ANO1: variants seen among roughly 807,000 people sequenced by gnomAD.
The protein encoded by ANO1 is anoctamin-1.
In ANO1, 59 loss-of-function variants were observed where a neutral mutation model predicts 124.0. The ratio of observed to expected loss-of-function variants is 0.48; its 90% confidence interval spans 0.39 to 0.59. The LOEUF (loss-of-function observed/expected upper bound fraction) is 0.59, where lower values mean the gene tolerates loss of function less well. Ranked by LOEUF, ANO1 falls within the 20% of genes least tolerant of loss-of-function variation. ANO1 has a pLI of 0.00. For synonymous variants in ANO1, 529 were observed against 532.0 expected (o/e 0.99, Z 0.08); for missense variants, 1,059 against 1,328.0 (o/e 0.80, Z 3.15).
At chr11:70,119,672 G>A (rs1051281930) in intron 8 of ANO1, among the ~76,000 whole-genome samples, 1 of 151,414 alleles carries the variant, frequency 6.6e-6, no homozygotes, top group Admixed American at 6.6e-5. Context: ...GATGAATGAT[G>A]GATGATGGAT....
chr11:70,159,609 G>T (rs758918929), intron 16 of ANO1, among the ~76,000 whole-genome samples: 1 of 152,216 alleles, frequency 6.6e-6, no homozygotes, highest in Non-Finnish European at 1.5e-5. Flanking sequence ...CTGGGGATGC[G>T]GGGGAGATGG....
chr11:70,170,449 A>C (rs1295532227), intron 21 of ANO1, among the ~76,000 whole-genome samples: 12 of 152,130 alleles, frequency 7.9e-5, no homozygotes, highest in Admixed American at 7.2e-4. Context: ...AAAATTAAGC[A>C]GTCATAGTGG....
chr11:70,096,897 G>A (rs1044026225), intron 2 of ANO1, among the ~76,000 whole-genome samples: 2 of 151,928 alleles, frequency 1.3e-5, no homozygotes, highest in Non-Finnish European at 2.9e-5. Context: ...ATCAAGGGGT[G>A]TAACAGTTTC....
At chr11:70,103,902 A>G in intron 3 of ANO1, 97 bp from the exon 4 acceptor site, 2 of 1,363,104 alleles carry the variant, frequency 1.5e-6, no homozygotes, top group East Asian at 2.5e-5. Flanking sequence ...GCCCCGTTGC[A>G]TGGGGTGGGA....
intron 1 of ANO1, among the ~76,000 whole-genome samples, chr11:70,084,171 C>T (rs1416675087): frequency 3.9e-5 from 6 of 152,104 alleles, no homozygotes; most frequent in East Asian, 1.9e-4. Flanking sequence ...GTGTGCCCTC[C>T]GACCCCTCGA....
upstream of ANO1, among the ~76,000 whole-genome samples, chr11:70,075,747 G>A (rs554930702): frequency 1.4e-4 from 22 of 152,300 alleles, no homozygotes; most frequent in African/African-American, 4.8e-4. Context: ...GAGCCCCCAC[G>A]TATAAGCAGT....
At position 70,160,246 on chromosome 11, in the gene ANO1, T is replaced by A. The variant is rs956608511; in HGVS notation, c.1579-915T>A. ...AAGACAGCCTGTGTCCTGCGGGTGG[T>A]TTCACGCCTGGGTGAGGAGCCTGGC... On this transcript the variant is annotated intron_variant, in intron 16 of 25. Transcript: ENST00000355303. 3.9e-5 allele frequency among the ~76,000 whole-genome samples: 6 copies of A among 151,982 alleles called. 1 individual carries two copies. The highest frequency in any genetic ancestry group is 1.5e-4 in the African/African-American group (6 of 41,370).
upstream of ANO1, among the ~76,000 whole-genome samples, chr11:70,073,603 G>A (rs1369759533): frequency 6.6e-6 from 1 of 152,146 alleles, no homozygotes; most frequent in Non-Finnish European, 1.5e-5. Flanking sequence ...GAACGTGAGT[G>A]GCTGGAGTCG....
At chr11:70,155,849 C>T (rs755561388) in intron 14 of ANO1, 62 bp from the exon 15 acceptor site, 22 of 1,443,884 alleles carry the variant, frequency 1.5e-5, no homozygotes, top group East Asian at 2.7e-5. Flanking sequence ...CTGGGCCCCG[C>T]GGTCTGCGGT....
chr11:70,151,633 T>G (rs1301444622), intron 12 of ANO1, among the ~76,000 whole-genome samples: 1 of 152,008 alleles, frequency 6.6e-6, no homozygotes, highest in Non-Finnish European at 1.5e-5. Context: ...ATTTTGGGGG[T>G]GATAACCGAA....
chr11:70,006,915 C>T (rs1856502738), intron 1 of ANO1, among the ~76,000 whole-genome samples: 1 of 152,050 alleles, frequency 6.6e-6, no homozygotes, highest in African/African-American at 2.4e-5. Flanking sequence ...GGTGATCCGC[C>T]CGCCTCGGCC....
At chr11:70,090,621 G>A (rs1321119724) in intron 2 of ANO1, among the ~76,000 whole-genome samples, 1 of 152,174 alleles carries the variant, frequency 6.6e-6, no homozygotes, top group African/African-American at 2.4e-5. Flanking sequence ...CAAGAAGGAC[G>A]AGAAAAGACC....
Position 70,112,093 on chromosome 11 carries a change from G to A in ANO1, c.855+331G>A, listed in dbSNP as rs75228277. Among the ~76,000 whole-genome samples the A allele has an allele frequency of 9.5e-3, 1,440 of 152,304 alleles. 27 individuals carry two copies. Among genetic ancestry groups the A allele is most frequent in the African/African-American group, 0.033 (1,370 of 41,570 alleles). ...CTCCCCTACCCCCAGCTGGCCCGGGGCTCTGGCAGAATGACCAGGGCTCTG... is the reference window on the plus strand; with the variant it reads ...CTCCCCTACCCCCAGCTGGCCCGGGACTCTGGCAGAATGACCAGGGCTCTG... On this transcript the variant is annotated intron_variant, in intron 7 of 25. Coordinates refer to ENST00000355303, the MANE Select transcript of ANO1 (RefSeq NM_018043.7).
chr11:70,095,358 GAA>G (rs1491084365), intron 2 of ANO1, among the ~76,000 whole-genome samples: 12 of 15,290 alleles, frequency 7.8e-4, no homozygotes, highest in African/African-American at 1.9e-3. Flanking sequence ...AAGAAAGAAA[GAA>G]AGAAAGAAAG....
intron 16 of ANO1, among the ~76,000 whole-genome samples, chr11:70,157,686 A>G (rs1449643548): frequency 2.6e-5 from 4 of 152,036 alleles, no homozygotes; most frequent in Non-Finnish European, 5.9e-5. Context: ...GAAACTGAAG[A>G]CTTTTTAAGA....
intron 1 of ANO1, among the ~76,000 whole-genome samples, chr11:70,035,251 C>T (rs1453843099): frequency 1.3e-5 from 2 of 152,178 alleles, no homozygotes; most frequent in Non-Finnish European, 2.9e-5. Context: ...ATTGTGTCCA[C>T]CCATGCAGAC....
intron 8 of ANO1, among the ~76,000 whole-genome samples, chr11:70,117,810 C>T (rs1404733254): frequency 6.6e-6 from 1 of 152,206 alleles, no homozygotes; most frequent in Non-Finnish European, 1.5e-5. Flanking sequence ...TTCATTTCAG[C>T]CTCCCCCACA....
chr11:70,021,338 G>A (rs1004459862), intron 1 of ANO1, among the ~76,000 whole-genome samples: 8 of 152,130 alleles, frequency 5.3e-5, no homozygotes, highest in East Asian at 1.9e-4. Context: ...GTTAGGCCTC[G>A]TGCATGCGAG....
chr11:70,146,909 G>T (rs1018337335), intron 11 of ANO1, among the ~76,000 whole-genome samples: 5 of 152,202 alleles, frequency 3.3e-5, no homozygotes, highest in African/African-American at 1.2e-4. Context: ...TAGCCACACT[G>T]GCAGCAGAGG....
Sources: gnomAD v4.1 joint callset for allele counts (sites outside exome capture counted in the v4.1 genomes callset) on GRCh38, gnomAD v4.1.1 for gene constraint, MANE v1.5 for transcripts, NCBI Gene and HGNC (gene_info 2026-07-23, HGNC 2026-07-21) for gene names.